Variants in ZRANB3 observed in about 807,000 individuals in gnomAD.
The protein encoded by ZRANB3 is zinc finger RANBP2-type containing 3, also known as DNA annealing helicase and endonuclease ZRANB3.
In ZRANB3, 125 loss-of-function variants were observed where a neutral mutation model predicts 133.8. The observed-to-expected ratio is 0.93, with a 90% confidence interval of 0.81 to 1.08. The LOEUF is 1.08. Ranked by LOEUF, ZRANB3 falls within the 50% of genes least tolerant of loss-of-function variation. The pLI, the probability that ZRANB3 is intolerant of heterozygous loss-of-function variation, is 0.00. For missense variants in ZRANB3, 1,229 were observed against 1,275.5 expected, an observed-to-expected ratio of 0.96 and a Z score of 0.56; for synonymous variants, 387 against 432.7, an observed-to-expected ratio of 0.89 and a Z score of 1.31.
chr2:135,230,952 C>G, intron 12 of ZRANB3, 25 bp from the exon 13 acceptor site: 1 of 1,516,538 alleles, frequency 6.6e-7, no homozygotes. Context: ...CAGTAGTTAT[C>G]AAAGTAAGAA....
At chr2:135,514,590 G>A (rs1298338645) in intron 1 of ZRANB3, among the ~76,000 whole-genome samples, 1 of 152,116 alleles carries the variant, frequency 6.6e-6, no homozygotes, top group East Asian at 1.9e-4. Context: ...TCTGCAAACA[G>A]ACAATTTGAC....
At chr2:135,274,770 C>A (rs941265702) in intron 9 of ZRANB3, among the ~76,000 whole-genome samples, 1 of 151,068 alleles carries the variant, frequency 6.6e-6, no homozygotes, top group Non-Finnish European at 1.5e-5. Context: ...GAGGACCCTG[C>A]GGCCTTCCGC....
chr2:135,464,301 C>T (rs1228270905), intron 2 of ZRANB3, among the ~76,000 whole-genome samples: 4 of 152,128 alleles, frequency 2.6e-5, no homozygotes, highest in Non-Finnish European at 4.4e-5. Context: ...TTCCTAACAG[C>T]CCCAGAGCCC....
chr2:135,235,353 G>A (rs1172375938), intron 12 of ZRANB3, among the ~76,000 whole-genome samples: 2 of 152,162 alleles, frequency 1.3e-5, no homozygotes, highest in Non-Finnish European at 2.9e-5. Context: ...AATTCTACGA[G>A]AGGTACAAGG....
chr2:135,341,979 G>A (rs1684690288), intron 6 of ZRANB3, among the ~76,000 whole-genome samples: 1 of 149,896 alleles, frequency 6.7e-6, no homozygotes, highest in Non-Finnish European at 1.5e-5. Flanking sequence ...CTGGCCTTAT[G>A]ACCTTGCCCT....
intron 11 of ZRANB3, among the ~76,000 whole-genome samples, chr2:135,268,394 T>G (rs988450920): frequency 6.6e-6 from 1 of 152,294 alleles, no homozygotes; most frequent in Admixed American, 6.5e-5. Context: ...CTCGAACTCC[T>G]GACCTCAGGT....
chr2:135,379,835 G>A (rs565466174), intron 3 of ZRANB3, among the ~76,000 whole-genome samples: 11 of 152,046 alleles, frequency 7.2e-5, no homozygotes, highest in Non-Finnish European at 1.2e-4. Context: ...GTAAATGGGC[G>A]AAATGTACCC....
At chr2:135,370,954 C>T (rs1444663660) in intron 3 of ZRANB3, among the ~76,000 whole-genome samples, 3 of 152,222 alleles carry the variant, frequency 2.0e-5, no homozygotes, top group Non-Finnish European at 4.4e-5. Context: ...CTCATTCTCT[C>T]TCTCCTGCCA....
intron 6 of ZRANB3, among the ~76,000 whole-genome samples, chr2:135,342,602 G>A (rs1402251563): frequency 6.7e-6 from 1 of 149,318 alleles, no homozygotes; most frequent in Non-Finnish European, 1.5e-5. Flanking sequence ...GAGTCACTGT[G>A]CCCGTCTTTT....
Position 135,268,946 on chromosome 2 carries a change from T to C in ZRANB3, c.1386+16A>G, listed in dbSNP as rs751642373. On this transcript the variant is annotated intron_variant, in intron 11 of 20. Coordinates refer to ENST00000264159, the MANE Select transcript of ZRANB3 (RefSeq NM_032143.4). ...TAGTAAGTAAGCTGCTAACTTGATT[T>C]AAATTCAAGCTTTACCTTGCGATTC... The C allele has an allele frequency of 8.8e-6, 14 of 1,589,176 alleles. No homozygotes were observed. The highest frequency in any genetic ancestry group is 1.2e-5 in the Non-Finnish European group (14 of 1,168,610).
At chr2:135,383,186 A>T (rs1020651041) in intron 3 of ZRANB3, among the ~76,000 whole-genome samples, 1 of 152,100 alleles carries the variant, frequency 6.6e-6, no homozygotes, top group South Asian at 2.1e-4. Context: ...AAAAGGCAGC[A>T]GTTGCAATCC....
At chr2:135,319,158 T>A (rs960388128) in intron 6 of ZRANB3, among the ~76,000 whole-genome samples, 1 of 152,166 alleles carries the variant, frequency 6.6e-6, no homozygotes, top group Admixed American at 6.5e-5. Flanking sequence ...GTTAGACACT[T>A]TTGTTACTTA....
chr2:135,422,497 A>C (rs1473274838), intron 2 of ZRANB3, among the ~76,000 whole-genome samples: 1 of 133,070 alleles, frequency 7.5e-6, no homozygotes, highest in Non-Finnish European at 1.6e-5. Flanking sequence ...GGCGGGGGGC[A>C]GGGGGGCGGC....
Position 135,353,508 on chromosome 2 carries a change from A to G in ZRANB3, c.301T>C (p.Trp101Arg). 1 of 1,609,914 alleles carries G rather than the reference A, an allele frequency of 6.2e-7. No individual in the cohort carries two copies. The highest frequency in any genetic ancestry group is 8.5e-7 in the Non-Finnish European group (1 of 1,177,650). ...TCTTCTGGACTTAGCTCTGGGATCCATTTTTCAATTTCTTCTGTCCAAGGG... is the reference window on the plus strand; with the variant it reads ...TCTTCTGGACTTAGCTCTGGGATCCGTTTTTCAATTTCTTCTGTCCAAGGG... ...RYPWTEEIEK[W>R]IPELSPEEIN... Residue 101 changes from tryptophan (W) to arginine (R), a missense_variant, in exon 4 of 21, where the codon TGG becomes CGG. Trp to Arg is a moderately radical substitution (Grantham distance 101). Coordinates refer to ENST00000264159, the MANE Select transcript of ZRANB3 (RefSeq NM_032143.4).
chr2:135,524,210 T>G (rs1265996368), intron 1 of ZRANB3, among the ~76,000 whole-genome samples: 2 of 152,038 alleles, frequency 1.3e-5, no homozygotes, highest in East Asian at 3.9e-4. Context: ...GCCTCCTGAG[T>G]AGCTGGAACT....
At chr2:135,517,938 T>C (rs1693767133) in intron 1 of ZRANB3, among the ~76,000 whole-genome samples, 1 of 152,180 alleles carries the variant, frequency 6.6e-6, no homozygotes, top group South Asian at 2.1e-4. Context: ...GGCTCCTTTC[T>C]TTTGGAGATG....
Position 135,210,047 on chromosome 2 carries a change from C to T in ZRANB3, c.2496-1069G>A, listed in dbSNP as rs115057876. The stretch of plus-strand genomic sequence containing the variant: ...CTCTCACTCCCATCTTCCTTTTTCC[C>T]CTCCCCAAAAGTTACCTCTGTTGGC... On this transcript the variant is annotated intron_variant, in intron 17 of 20. Transcript: ENST00000264159. Among the ~76,000 whole-genome samples, 420 of 152,086 alleles carry T rather than the reference C, an allele frequency of 2.8e-3. 2 individuals are homozygous for T. Among genetic ancestry groups the T allele is most frequent in the African/African-American group, 9.6e-3 (397 of 41,492 alleles).
chr2:135,228,295 G>T (rs2105064773), intron 13 of ZRANB3: 1 of 195,434 alleles, frequency 5.1e-6, no homozygotes, highest in Non-Finnish European at 1.0e-5. Context: ...CAGATAAAGA[G>T]AACACAACTA....
chr2:135,298,276 C>G (rs1682251856), intron 8 of ZRANB3, among the ~76,000 whole-genome samples: 1 of 152,120 alleles, frequency 6.6e-6, no homozygotes, highest in African/African-American at 2.4e-5. Context: ...TCTCTGATGC[C>G]TCCTTGAGTA....
Sources: allele counts gnomAD v4.1 joint callset (sites outside exome capture counted in the v4.1 genomes callset), GRCh38; gene constraint gnomAD v4.1.1; transcripts MANE v1.5; gene names NCBI Gene and HGNC (gene_info 2026-07-23, HGNC 2026-07-21).